IL1R1: variants seen among roughly 807,000 people sequenced by gnomAD.
IL1R1 encodes the protein interleukin-1 receptor type 1.
IL1R1 carries 22 observed loss-of-function variants against 50.2 expected under a neutral mutation model. The observed-to-expected ratio is 0.44, with a 90% CI of 0.31 to 0.63. IL1R1 has a LOEUF of 0.63. IL1R1 is among the 20% of genes least tolerant of loss of function. IL1R1 has a pLI of 0.07. For synonymous variants in IL1R1, 251 were observed against 236.7 expected, an observed-to-expected ratio of 1.06 and a Z score of -0.55; for missense variants, 509 against 676.2, an observed-to-expected ratio of 0.75 and a Z score of 2.74.
chr2:102,085,743 A>T (rs1168828841), intron 1 of IL1R1, among the ~76,000 whole-genome samples: 2 of 152,082 alleles, frequency 1.3e-5, no homozygotes, highest in Non-Finnish European at 2.9e-5. Flanking sequence ...CCCACAAAAT[A>T]CCAACAGCGA....
At chr2:102,172,162 C>A in intron 8 of IL1R1, 1 of 540,708 alleles carries the variant, frequency 1.8e-6, no homozygotes, top group Non-Finnish European at 2.3e-6. Context: ...TTACGTTATA[C>A]ATGTTGCAAC....
upstream of IL1R1, among the ~76,000 whole-genome samples, chr2:102,140,303 G>A (rs1004401838): frequency 1.3e-5 from 2 of 152,230 alleles, no homozygotes; most frequent in African/African-American, 2.4e-5. Context: ...ATTATGTTGT[G>A]TTGGTCAATA....
intron 1 of IL1R1, among the ~76,000 whole-genome samples, chr2:102,087,762 A>T (rs1292540783): frequency 6.6e-6 from 1 of 152,036 alleles, no homozygotes; most frequent in Non-Finnish European, 1.5e-5. Flanking sequence ...GCTATGTGGA[A>T]CTGTGGGTCA....
chr2:102,087,333 G>A (rs1159465014), intron 1 of IL1R1, among the ~76,000 whole-genome samples: 1 of 152,138 alleles, frequency 6.6e-6, no homozygotes, highest in Admixed American at 6.5e-5. Context: ...ATGCCACAGC[G>A]ATCAACTCTT....
At position 102,166,323 on chromosome 2, in the gene IL1R1, G is replaced by C. The variant is rs754048534; in HGVS notation, c.655+42G>C. 24 of 1,478,242 alleles carry C rather than the reference G, an allele frequency of 1.6e-5. 1 individual carries two copies. The South Asian group carries it at 2.7e-4, about 17-fold the overall frequency. The allele number at this position is 1,478,242 out of a possible 1,614,324, so 91.6% of individuals were successfully genotyped here. A position where few individuals can be genotyped will look rare whatever the true frequency, so the allele number is the denominator to read the frequency against. The stretch of plus-strand genomic sequence containing the variant: ...GCCCTAAAAGGTTTAGATCTGGGAA[G>C]GTCCAGAGACTGTGATTCTAATACT... On this transcript the variant is annotated intron_variant, in intron 6 of 11. Transcript: ENST00000410023.
chr2:102,165,283 A>G lies in IL1R1; in HGVS notation c.465A>G (p.Leu155=). Residue 155 remains leucine, a synonymous_variant, in exon 5 of 12, where the codon TTA becomes TTG. Transcript: ENST00000410023. The part of the protein sequence containing the change: ...MEFFKNENNE[L]PKLQWYKDCK... ...TTTTTAAAAATGAAAATAATGAGTTACCTAAATTACAGTGGTATAAGGTAA... is the reference window on the plus strand; with the variant it reads ...TTTTTAAAAATGAAAATAATGAGTTGCCTAAATTACAGTGGTATAAGGTAA... 6.4e-7 allele frequency: 1 copy of G among 1,566,406 alleles called. No homozygotes were observed. The highest frequency in any genetic ancestry group is 1.2e-5 in the South Asian group (1 of 83,446).
chr2:102,083,488 G>T (rs1404981488), intron 1 of IL1R1, among the ~76,000 whole-genome samples: 1 of 152,070 alleles, frequency 6.6e-6, no homozygotes, highest in Non-Finnish European at 1.5e-5. Context: ...GTGGTCAAGG[G>T]TAATCCCTGA....
In IL1R1 at chr2:102,175,118, T is replaced by C. The variant is rs956769246; in HGVS notation, c.1136-360T>C. Among the ~76,000 whole-genome samples the C allele has an allele frequency of 1.0e-4, 15 of 144,648 alleles. 1 individual carries two copies. The highest frequency in any genetic ancestry group is 4.1e-4 in the African/African-American group (15 of 36,230). 94.9% of individuals were successfully genotyped at this position (144,648 alleles called of 152,430 possible). Reference sequence around the variant, plus strand: ...TTCTCTCTCTCCTTTGTTTAAACTTTGCGAAAAAAAAAAAAGGAATACCAC... The same window carrying C: ...TTCTCTCTCTCCTTTGTTTAAACTTCGCGAAAAAAAAAAAAGGAATACCAC... On this transcript the variant is annotated intron_variant, in intron 10 of 11. Transcript: ENST00000410023.
At chr2:102,154,236 C>G (rs1014946744) in intron 2 of IL1R1, among the ~76,000 whole-genome samples, 1 of 152,180 alleles carries the variant, frequency 6.6e-6, no homozygotes, top group Non-Finnish European at 1.5e-5. Flanking sequence ...GTTTGCTTTC[C>G]CAGGTCACCT....
intron 1 of IL1R1, among the ~76,000 whole-genome samples, chr2:102,134,046 A>G (rs1351653508): frequency 6.6e-6 from 1 of 152,226 alleles, no homozygotes; most frequent in African/African-American, 2.4e-5. Context: ...TGAGTTTTGG[A>G]GGTTATAAGA....
upstream of IL1R1, among the ~76,000 whole-genome samples, chr2:102,139,738 G>A (rs1444626861): frequency 2.6e-5 from 4 of 152,170 alleles, no homozygotes; most frequent in Non-Finnish European, 4.4e-5. Context: ...GCCACGTGAC[G>A]TACCTGCACC....
rs142894208 is a variant in IL1R1, at chr2:102,117,603, C to A, written c.-84+12731C>A. On this transcript the variant is annotated intron_variant, in intron 1 of 10. Coordinates refer to the IL1R1 transcript ENST00000409329. ...TAATTTTCTTCTGGCCTGTTCCCTG[C>A]ATATTAATGTATTCCAATGAATCCC... Among the ~76,000 whole-genome samples the A allele has an allele frequency of 2.7e-3, 407 of 152,338 alleles. 2 individuals carry two copies. Among genetic ancestry groups the A allele is most frequent in the African/African-American group, 9.5e-3 (396 of 41,570 alleles).
intron 2 of IL1R1, 79 bp from the exon 3 acceptor site, chr2:102,157,640 T>C (rs2104530423): frequency 1.2e-6 from 1 of 853,438 alleles, no homozygotes; most frequent in Non-Finnish European, 2.0e-6. Context: ...GGGCCGGTGT[T>C]GGTATATTTA....
chr2:102,148,255 C>T (rs890590519), intron 1 of IL1R1, among the ~76,000 whole-genome samples: 4 of 152,200 alleles, frequency 2.6e-5, no homozygotes, highest in Admixed American at 6.5e-5. Flanking sequence ...TCCACACTTT[C>T]CTGCTCTAGC....
At chr2:102,102,714 C>T (rs1430407852), upstream of IL1R1, among the ~76,000 whole-genome samples, 1 of 151,942 alleles carries the variant, frequency 6.6e-6, no homozygotes, top group Non-Finnish European at 1.5e-5. Context: ...TTCATTACAT[C>T]GCTATTCTCA....
At chr2:102,170,311 A>C (rs1685562469) in intron 7 of IL1R1, among the ~76,000 whole-genome samples, 1 of 152,208 alleles carries the variant, frequency 6.6e-6, no homozygotes, top group East Asian at 1.9e-4. Context: ...AATATTCTTC[A>C]TGGTGAAATA....
chr2:102,074,697 C>T (rs1458088303), intron 1 of IL1R1, among the ~76,000 whole-genome samples: 1 of 152,202 alleles, frequency 6.6e-6, no homozygotes, highest in East Asian at 1.9e-4. Flanking sequence ...CAGGAGCACC[C>T]ATTTTCTCAT....
upstream of IL1R1, among the ~76,000 whole-genome samples, chr2:102,101,946 A>T (rs1680160451): frequency 6.6e-6 from 1 of 152,096 alleles, no homozygotes; most frequent in South Asian, 2.1e-4. Flanking sequence ...AACACAGCTG[A>T]CAAAACCCAG....
intron 1 of IL1R1, among the ~76,000 whole-genome samples, chr2:102,076,180 CTTTTTT>C (rs66517619): frequency 8.7e-6 from 1 of 115,086 alleles, no homozygotes. Flanking sequence ...GCTTCGTATT[CTTTTTT>C]TTTTTTTTTG....
Sources: gnomAD v4.1 joint callset for allele counts (sites outside exome capture counted in the v4.1 genomes callset) on GRCh38, gnomAD v4.1.1 for gene constraint, MANE v1.5 for transcripts, NCBI Gene and HGNC (gene_info 2026-07-23, HGNC 2026-07-21) for gene names.